Variants in SLC10A7 observed in about 807,000 individuals in gnomAD.
SLC10A7 encodes the protein solute carrier family 10 member 7.
A neutral mutation model predicts 43.2 loss-of-function variants in SLC10A7; 29 were observed. That is an observed-to-expected ratio of 0.67 (90% CI 0.50 to 0.92). The LOEUF is 0.92. Ranked by LOEUF, SLC10A7 falls within the 40% of genes least tolerant of loss-of-function variation. The pLI is 0.00. For missense variants in SLC10A7, 295 were observed against 403.2 expected, an observed-to-expected ratio of 0.73 and a Z score of 2.30; for synonymous variants, 152 against 144.8, an observed-to-expected ratio of 1.05 and a Z score of -0.35.
At chr4:146,396,028 G>A (rs1738801106) in intron 5 of SLC10A7, among the ~76,000 whole-genome samples, 1 of 152,036 alleles carries the variant, frequency 6.6e-6, no homozygotes, top group Non-Finnish European at 1.5e-5. Context: ...CAATCTACGA[G>A]GTTTTTCTCC....
intron 4 of SLC10A7, among the ~76,000 whole-genome samples, chr4:146,495,723 T>C (rs1362377874): frequency 6.6e-6 from 1 of 151,264 alleles, no homozygotes; most frequent in Non-Finnish European, 1.5e-5. Context: ...ATTCTTAAAT[T>C]GTCTTTGAAG....
chr4:146,487,589 G>T (rs1337029060), intron 4 of SLC10A7, among the ~76,000 whole-genome samples: 1 of 152,164 alleles, frequency 6.6e-6, no homozygotes, highest in African/African-American at 2.4e-5. Flanking sequence ...CTGAGATAAT[G>T]CATAATGGGA....
intron 5 of SLC10A7, among the ~76,000 whole-genome samples, chr4:146,399,296 C>T (rs533440899): frequency 3.3e-5 from 5 of 151,982 alleles, no homozygotes; most frequent in Admixed American, 6.6e-5. Flanking sequence ...AGAGGAAGGG[C>T]GAGCTAGATA....
rs530861773 is a variant in SLC10A7, at chr4:146,512,007, CTT to C, written c.184-1960_184-1959del. ...TTTTTTTTTGAGATGGAGTTTTGCT[CTT>C]GTCATCCAGGCTGGAGTGCGATGGT... is the stretch of plus-strand genomic sequence containing the variant. On this transcript the variant is annotated intron_variant, in intron 2 of 11. Transcript: ENST00000335472. Among the ~76,000 whole-genome samples the C allele has an allele frequency of 2.0e-4, 18 of 89,806 alleles. No individual in the cohort carries two copies. The East Asian group carries it at 6.8e-3, about 34-fold the overall frequency. 58.9% of individuals were successfully genotyped at this position (89,806 alleles called of 152,430 possible).
At chr4:146,398,443 T>C (rs1321822825) in intron 5 of SLC10A7, among the ~76,000 whole-genome samples, 1 of 151,896 alleles carries the variant, frequency 6.6e-6, no homozygotes, top group African/African-American at 2.4e-5. Context: ...AGAAGAAAAA[T>C]TAAGATCAAG....
At chr4:146,337,444 A>G (rs1578919487) in intron 5 of SLC10A7, among the ~76,000 whole-genome samples, 2 of 152,008 alleles carry the variant, frequency 1.3e-5, no homozygotes, top group South Asian at 4.1e-4. Flanking sequence ...AGCTCTCTTA[A>G]AATGTCAAGA....
At chr4:146,488,407 C>T (rs1315231164) in intron 4 of SLC10A7, among the ~76,000 whole-genome samples, 1 of 152,192 alleles carries the variant, frequency 6.6e-6, no homozygotes, top group African/African-American at 2.4e-5. Context: ...ATTTATTGAG[C>T]ATCTCCTAAT....
At chr4:146,499,855 T>A (rs1429318290) in intron 4 of SLC10A7, among the ~76,000 whole-genome samples, 1 of 152,172 alleles carries the variant, frequency 6.6e-6, no homozygotes, top group Non-Finnish European at 1.5e-5. Context: ...ATTGAGGGAA[T>A]AAACATGTAA....
intron 5 of SLC10A7, among the ~76,000 whole-genome samples, chr4:146,386,479 C>T (rs1246587984): frequency 6.6e-6 from 1 of 152,156 alleles, no homozygotes; most frequent in Admixed American, 6.5e-5. Flanking sequence ...TGTCTGCCTC[C>T]CAAACTCTCT....
At chr4:146,293,713 G>T (rs1730592957) in intron 8 of SLC10A7, among the ~76,000 whole-genome samples, 1 of 152,076 alleles carries the variant, frequency 6.6e-6, no homozygotes, top group Non-Finnish European at 1.5e-5. Context: ...ATCAGAAAAT[G>T]GGGCAGCAGA....
chr4:146,520,868 G>A (rs1738565198), intron 1 of SLC10A7, among the ~76,000 whole-genome samples: 1 of 152,104 alleles, frequency 6.6e-6, no homozygotes, highest in Admixed American at 6.5e-5. Context: ...TATTTCTAAT[G>A]TTCCCACCAG....
intron 5 of SLC10A7, among the ~76,000 whole-genome samples, chr4:146,391,740 T>C (rs969169742): frequency 2.0e-5 from 3 of 152,212 alleles, no homozygotes; most frequent in Admixed American, 6.5e-5. Flanking sequence ...AATTAGAGCA[T>C]CTTGCCCTCA....
chr4:146,320,304 T>C (rs1411362431), intron 6 of SLC10A7, among the ~76,000 whole-genome samples: 2 of 151,920 alleles, frequency 1.3e-5, no homozygotes, highest in East Asian at 3.9e-4. Flanking sequence ...GCAGTAGAGA[T>C]GAGCAAGATT....
intron 5 of SLC10A7, among the ~76,000 whole-genome samples, chr4:146,439,922 T>C (rs1231512084): frequency 6.6e-6 from 1 of 152,168 alleles, no homozygotes; most frequent in Non-Finnish European, 1.5e-5. Context: ...AAGTTTACAA[T>C]TTGGAATTTC....
intron 5 of SLC10A7, among the ~76,000 whole-genome samples, chr4:146,366,294 G>C (rs987659021): frequency 6.6e-6 from 1 of 152,146 alleles, no homozygotes; most frequent in Non-Finnish European, 1.5e-5. Context: ...ATCCCAGTGG[G>C]ATCTGAGGAA....
At chr4:146,409,386 T>C (rs1727978997) in intron 5 of SLC10A7, among the ~76,000 whole-genome samples, 1 of 147,588 alleles carries the variant, frequency 6.8e-6, no homozygotes, top group Non-Finnish European at 1.5e-5. Context: ...TATTGTATGA[T>C]TCAATGTATA....
intron 5 of SLC10A7, among the ~76,000 whole-genome samples, chr4:146,344,283 T>C (rs1734464779): frequency 6.6e-6 from 1 of 152,066 alleles, no homozygotes. Context: ...TTTCAAGAAT[T>C]TTCAATGTTG....
intron 6 of SLC10A7, among the ~76,000 whole-genome samples, chr4:146,309,980 C>G (rs936477388): frequency 2.6e-5 from 4 of 152,118 alleles, no homozygotes; most frequent in Non-Finnish European, 5.9e-5. Flanking sequence ...CCTCCCTCCC[C>G]ACTCTATTAG....
intron 5 of SLC10A7, among the ~76,000 whole-genome samples, chr4:146,399,372 G>T (rs1739061288): frequency 6.6e-6 from 1 of 152,086 alleles, no homozygotes; most frequent in Non-Finnish European, 1.5e-5. Flanking sequence ...AGTTAAGAAA[G>T]GTTTTTAACA....
Sources: gnomAD v4.1 joint callset for allele counts (sites outside exome capture counted in the v4.1 genomes callset) on GRCh38, gnomAD v4.1.1 for gene constraint, MANE v1.5 for transcripts, NCBI Gene and HGNC (gene_info 2026-07-23, HGNC 2026-07-21) for gene names.